The following SH3RF2 variants were observed in gnomAD, a reference collection of about 807,000 sequenced individuals.
SH3RF2 encodes E3 ubiquitin-protein ligase SH3RF2.
SH3RF2 carries 43 observed loss-of-function variants against 59.0 expected under a neutral mutation model. That is an observed-to-expected ratio of 0.73 (90% CI 0.57 to 0.94). The LOEUF (loss-of-function observed/expected upper bound fraction) is 0.94. Among genes scored for constraint, SH3RF2 ranks in the 40% least tolerant of loss-of-function variants. The pLI, the probability that SH3RF2 is intolerant of heterozygous loss-of-function variation, is 0.00. For missense variants in SH3RF2, 930 were observed against 940.1 expected, an observed-to-expected ratio of 0.99 and a Z score of 0.14; for synonymous variants, 391 against 391.5, an observed-to-expected ratio of 1.00 and a Z score of 0.01.
At chr5:145,954,945 G>A (rs575633202) in intron 2 of SH3RF2, among the ~76,000 whole-genome samples, 4 of 152,036 alleles carry the variant, frequency 2.6e-5, no homozygotes, top group African/African-American at 7.2e-5. Context: ...GACCAGAGGT[G>A]GGGGGAAGTG....
intron 8 of SH3RF2, among the ~76,000 whole-genome samples, chr5:146,059,533 CGCGT>C (rs1444482057): frequency 1.3e-5 from 2 of 151,800 alleles, no homozygotes; most frequent in African/African-American, 4.8e-5. Flanking sequence ...GCTTCACGCG[CGCGT>C]GTGTGTGTGT....
chr5:146,071,213 A>G (rs941056585), intron 9 of SH3RF2, among the ~76,000 whole-genome samples: 1 of 152,228 alleles, frequency 6.6e-6, no homozygotes, highest in Non-Finnish European at 1.5e-5. Context: ...AAGGAATTCA[A>G]ATAAATAGTG....
At chr5:146,057,972 C>CTATATATATATATATATA (rs1402735122) in intron 8 of SH3RF2, among the ~76,000 whole-genome samples, 2 of 81,260 alleles carry the variant, frequency 2.5e-5, no homozygotes, top group African/African-American at 6.1e-5. Context: ...CTCTCTCTAT[C>CTATATATATATATATATA]TATCTATCTA....
chr5:145,997,451 T>A, intron 2 of SH3RF2: 2 of 1,498,876 alleles, frequency 1.3e-6, no homozygotes, highest in Non-Finnish European at 1.9e-6. Context: ...AGGATGTTTA[T>A]GTCTTTGTGA....
downstream of SH3RF2, among the ~76,000 whole-genome samples, chr5:146,064,846 AAG>A (rs1763057486): frequency 5.5e-5 from 1 of 18,180 alleles, no homozygotes; most frequent in African/African-American, 6.8e-5. Flanking sequence ...GAAAGAAAGA[AAG>A]AAAGAAAGAA....
At chr5:146,020,600 A>G (rs1052694561) in intron 5 of SH3RF2, among the ~76,000 whole-genome samples, 1 of 152,134 alleles carries the variant, frequency 6.6e-6, no homozygotes, top group Non-Finnish European at 1.5e-5. Flanking sequence ...TTCACAGCAC[A>G]TTGTTTATAC....
chr5:145,980,234 C>T (rs529928953), intron 2 of SH3RF2, among the ~76,000 whole-genome samples: 10 of 152,170 alleles, frequency 6.6e-5, no homozygotes, highest in Non-Finnish European at 1.2e-4. Context: ...AATTGACACC[C>T]ACACGTAACG....
chr5:146,002,066 T>G (rs1760438436), intron 3 of SH3RF2, among the ~76,000 whole-genome samples: 1 of 152,220 alleles, frequency 6.6e-6, no homozygotes, highest in African/African-American at 2.4e-5. Context: ...GGAGCCACTG[T>G]GTTAGGTGCT....
chr5:146,009,992 T>C (rs1237013872), intron 4 of SH3RF2, among the ~76,000 whole-genome samples: 1 of 152,194 alleles, frequency 6.6e-6, no homozygotes, highest in African/African-American at 2.4e-5. Context: ...ACTCGTCATT[T>C]ACATTAGGTA....
chr5:146,057,334 C>T (rs1762706045), intron 8 of SH3RF2, among the ~76,000 whole-genome samples: 1 of 152,198 alleles, frequency 6.6e-6, no homozygotes, highest in African/African-American at 2.4e-5. Flanking sequence ...CCTCCATCAC[C>T]TTCCTGTACC....
At chr5:146,070,752 G>A (rs146047845) in intron 9 of SH3RF2, among the ~76,000 whole-genome samples, 9 of 152,266 alleles carry the variant, frequency 5.9e-5, no homozygotes, top group South Asian at 2.1e-4. Flanking sequence ...GTGTTTATCC[G>A]AAGTTCAAAT....
rs1758527979 is a variant in SH3RF2 at position 145,959,152 on chromosome 5, C to G, written c.378+20846C>G. 2.0e-5 allele frequency among the ~76,000 whole-genome samples: 3 copies of G among 152,300 alleles called. No individual in the cohort carries two copies. In the South Asian group the frequency reaches 6.2e-4, roughly 32 times the overall value. On this transcript the variant is annotated intron_variant, in intron 2 of 9. Transcript: ENST00000359120. ...TGGAATTGGCAGCAAGTACCTCCAG[C>G]TTTGTGGATATTGTCATCTAAAGGC...
chr5:146,009,392 C>G (rs1760784235), intron 4 of SH3RF2, among the ~76,000 whole-genome samples: 1 of 152,062 alleles, frequency 6.6e-6, no homozygotes, highest in Non-Finnish European at 1.5e-5. Flanking sequence ...AGCCTTCTCT[C>G]TGTTTCTTTC....
At chr5:146,027,841 G>A (rs1380941472) in intron 5 of SH3RF2, among the ~76,000 whole-genome samples, 2 of 152,134 alleles carry the variant, frequency 1.3e-5, no homozygotes, top group Non-Finnish European at 2.9e-5. Context: ...AGTACTCCTG[G>A]GGCACAGTGA....
Position 145,938,098 on chromosome 5 carries a change from T to C in SH3RF2, c.170T>C (p.Phe57Ser). 1 of 1,614,184 alleles carries C rather than the reference T, an allele frequency of 6.2e-7. No individual in the cohort carries two copies. The highest frequency in any genetic ancestry group is 1.1e-5 in the South Asian group (1 of 91,082). ...TGCCCCGAATGCAGGACGCCTGTGTTTTCCAACATTGAGGCGCTGCCGGCC... is the reference window on the plus strand; with the variant it reads ...TGCCCCGAATGCAGGACGCCTGTGTCTTCCAACATTGAGGCGCTGCCGGCC... ...LRCPECRTPV[F>S]SNIEALPANL... is the part of the protein sequence containing the mutation. The change falls in exon 2 of 10, where the codon TTT becomes TCT. Residue 57 changes from phenylalanine (F) to serine (S), a missense_variant. By Grantham distance (155) the Phe-to-Ser change is radical. Transcript: ENST00000359120.
At chr5:146,069,981 T>C (rs1763197359) in intron 9 of SH3RF2, among the ~76,000 whole-genome samples, 1 of 29,840 alleles carries the variant, frequency 3.4e-5, no homozygotes, top group African/African-American at 6.4e-5. Context: ...TAATGGAAAC[T>C]GAAAAAAAAA....
chr5:145,972,140 G>T (rs1432774), intron 2 of SH3RF2, among the ~76,000 whole-genome samples: 32,441 of 151,920 alleles, frequency 0.21, 5,031 homozygotes, highest in African/African-American at 0.43. Flanking sequence ...GTTCAAATCC[G>T]TACTGTACTA....
chr5:145,974,687 C>T (rs1057036390), intron 2 of SH3RF2, among the ~76,000 whole-genome samples: 2 of 152,050 alleles, frequency 1.3e-5, no homozygotes, highest in African/African-American at 4.8e-5. Flanking sequence ...TTCCTGAGGT[C>T]GTACAGTGCA....
chr5:145,971,215 C>A (rs1339017780), intron 2 of SH3RF2, among the ~76,000 whole-genome samples: 1 of 152,190 alleles, frequency 6.6e-6, no homozygotes, highest in Non-Finnish European at 1.5e-5. Flanking sequence ...AAACTGAGCC[C>A]TTGGGCTTGG....
Sources: gnomAD v4.1 joint callset for allele counts (sites outside exome capture counted in the v4.1 genomes callset) on GRCh38, gnomAD v4.1.1 for gene constraint, MANE v1.5 for transcripts, NCBI Gene and HGNC (gene_info 2026-07-23, HGNC 2026-07-21) for gene names.